Variants in TPRX1 observed in about 807,000 individuals in gnomAD.
TPRX1 encodes tetrapeptide repeat homeobox 1.
TPRX1 carries 2 observed loss-of-function variants against 8.1 expected under a neutral mutation model. The observed-to-expected ratio is 0.25, with a 90% CI of 0.10 to 0.78. The LOEUF is 0.78. Ranked by LOEUF, TPRX1 falls within the 30% of genes least tolerant of loss-of-function variation. The probability of loss-of-function intolerance (pLI) is 0.70; values close to 1 mark genes in which losing one functional copy is unlikely to be tolerated. For missense variants in TPRX1, 517 were observed against 586.9 expected (o/e 0.88, Z 1.23); for synonymous variants, 257 against 254.1 (o/e 1.01, Z -0.11).
chr19:47,801,867 T>A, exon 4 of TPRX1: 1 of 1,614,118 alleles, frequency 6.2e-7, no homozygotes, highest in Non-Finnish European at 8.5e-7. Flanking sequence ...TTTTTGCCCA[T>A]AGAGTCATCC....
intron 2 of TPRX1, among the ~76,000 whole-genome samples, chr19:47,807,106 A>G (rs1839325588): frequency 6.6e-6 from 1 of 152,182 alleles, no homozygotes; most frequent in Non-Finnish European, 1.5e-5. Context: ...GGGTTTCACC[A>G]TGTTGGCCAG....
At position 47,811,788 on chromosome 19, in the gene TPRX1, C is replaced by T. The variant is rs145330987; in HGVS notation, c.151+6680G>A. On this transcript the variant is annotated intron_variant, in intron 2 of 3. Transcript: ENST00000535759. ...CTGGGATTACAGGCGTGAGCCACCG[C>T]GCCCGGCTAATGGCAACTTCACAGA... Among the ~76,000 whole-genome samples the T allele has an allele frequency of 5.6e-3, 848 of 151,614 alleles. 4 individuals carry two copies. Among genetic ancestry groups the T allele is most frequent in the African/African-American group, 0.02 (814 of 41,374 alleles).
chr19:47,808,224 C>T (rs1249844233), intron 2 of TPRX1, among the ~76,000 whole-genome samples: 18 of 152,062 alleles, frequency 1.2e-4, no homozygotes, highest in African/African-American at 2.4e-5. Context: ...AAGCAATTCT[C>T]CTGCCTCAGC....
chr19:47,809,423 G>A (rs1210294365), intron 2 of TPRX1, among the ~76,000 whole-genome samples: 3 of 151,860 alleles, frequency 2.0e-5, no homozygotes, highest in African/African-American at 4.8e-5. Flanking sequence ...TGAGAGGACA[G>A]GCGCATGTGC....
intron 2 of TPRX1, among the ~76,000 whole-genome samples, 116 bp downstream of exon 1, chr19:47,804,399 T>G (rs1386904737): frequency 6.6e-6 from 1 of 152,178 alleles, no homozygotes. Context: ...CTCCCCCGTC[T>G]GCAGGACAGG....
At chr19:47,817,199 G>A (rs965112978) in intron 2 of TPRX1, among the ~76,000 whole-genome samples, 1 of 152,196 alleles carries the variant, frequency 6.6e-6, no homozygotes, top group African/African-American at 2.4e-5. Flanking sequence ...CTGAGCCTGG[G>A]AAGGAGGGAG....
chr19:47,816,822 ACG>A (rs1967848479), intron 2 of TPRX1, among the ~76,000 whole-genome samples: 7 of 152,082 alleles, frequency 4.6e-5, no homozygotes, highest in Admixed American at 3.9e-4. Flanking sequence ...GTGAGCCACC[ACG>A]CCCAGCCCAC....
intron 2 of TPRX1, among the ~76,000 whole-genome samples, chr19:47,815,300 G>A (rs570634528): frequency 1.7e-3 from 249 of 146,338 alleles, no homozygotes; most frequent in Non-Finnish European, 3.1e-3. Flanking sequence ...GATTACAGGC[G>A]TGCAACACCA....
At chr19:47,818,626 C>CA (rs1294940826) in intron 1 of TPRX1, 1 of 450,354 alleles carries the variant, frequency 2.2e-6, no homozygotes, top group African/African-American at 2.0e-5. Flanking sequence ...TAAGGGGGTG[C>CA]AGGTATGAGG....
chr19:47,813,956 C>CGGGGTG (rs1337762983), intron 2 of TPRX1, among the ~76,000 whole-genome samples: 1 of 888 alleles, frequency 1.1e-3, no homozygotes, highest in East Asian at 0.016. Flanking sequence ...GTGGTGGGGG[C>CGGGGTG]GGGGTGGGGG....
At chr19:47,809,621 A>G (rs902502119) in intron 2 of TPRX1, among the ~76,000 whole-genome samples, 9 of 152,140 alleles carry the variant, frequency 5.9e-5, no homozygotes, top group Non-Finnish European at 1.0e-4. Flanking sequence ...ACTCCTGCAA[A>G]AGTAATTACC....
exon 4 of TPRX1, chr19:47,802,575 G>A (rs1166078307): frequency 2.6e-6 from 4 of 1,551,008 alleles, no homozygotes; most frequent in South Asian, 1.2e-5. Flanking sequence ...AATGGGCCTG[G>A]GATCTGGACT....
At chr19:47,811,370 G>A (rs35409735) in intron 2 of TPRX1, among the ~76,000 whole-genome samples, 39,428 of 151,710 alleles carry the variant, frequency 0.26, 5,566 homozygotes, top group Middle Eastern at 0.36. Flanking sequence ...ACCGAAACAC[G>A]CATGAACCAG....
At chr19:47,813,282 C>T (rs1218598896) in intron 2 of TPRX1, among the ~76,000 whole-genome samples, 1 of 151,238 alleles carries the variant, frequency 6.6e-6, no homozygotes, top group Non-Finnish European at 1.5e-5. Flanking sequence ...AGCAGTGATT[C>T]CCCGACCTGC....
intron 2 of TPRX1, among the ~76,000 whole-genome samples, chr19:47,809,813 T>C (rs1967766449): frequency 6.6e-6 from 1 of 152,080 alleles, no homozygotes; most frequent in Non-Finnish European, 1.5e-5. Flanking sequence ...CAGGGTTGGA[T>C]GGAATTTCTG....
chr19:47,815,129 T>TATATATATGCAA (rs1555800035), intron 2 of TPRX1, among the ~76,000 whole-genome samples: 2 of 101,748 alleles, frequency 2.0e-5, no homozygotes, highest in African/African-American at 7.2e-5. Context: ...TATATATATA[T>TATATATATGCAA]ATATATATAT....
At chr19:47,805,154 T>C (rs1349849913) in intron 2 of TPRX1, among the ~76,000 whole-genome samples, 2 of 152,204 alleles carry the variant, frequency 1.3e-5, no homozygotes, top group Non-Finnish European at 1.5e-5. Context: ...AATGGTTTGG[T>C]TTCTGTAGTG....
chr19:47,808,307 G>A (rs1967752866), intron 2 of TPRX1, among the ~76,000 whole-genome samples: 1 of 151,954 alleles, frequency 6.6e-6, no homozygotes, highest in African/African-American at 2.4e-5. Context: ...TAGAGACGGG[G>A]TTTCACTGTG....
intron 2 of TPRX1, among the ~76,000 whole-genome samples, chr19:47,815,147 A>AATATATATATATATATATGCAAAT (rs201727601): frequency 1.1e-4 from 4 of 35,008 alleles, no homozygotes; most frequent in African/African-American, 3.1e-4. Context: ...TATATATGCA[A>AATATATATATATATATATGCAAAT]ATATATATAT....
Sources: gnomAD v4.1 joint callset for allele counts (sites outside exome capture counted in the v4.1 genomes callset) on GRCh38, gnomAD v4.1.1 for gene constraint, MANE v1.5 for transcripts, NCBI Gene and HGNC (gene_info 2026-07-23, HGNC 2026-07-21) for gene names.